The following COL11A1 variants were observed in gnomAD, a reference collection of about 807,000 sequenced individuals.
The protein encoded by COL11A1 is collagen alpha-1(XI) chain.
A neutral mutation model predicts 265.2 loss-of-function variants in COL11A1; 74 were observed. The observed-to-expected ratio is 0.28, with a 90% confidence interval of 0.23 to 0.34. COL11A1 has a LOEUF of 0.34. COL11A1 is among the 10% of genes least tolerant of loss of function. The pLI, the probability that COL11A1 is intolerant of heterozygous loss-of-function variation, is 1.00. For missense variants in COL11A1, 2,165 were observed against 2,263.6 expected (o/e 0.96, Z 0.88); for synonymous variants, 816 against 727.6 (o/e 1.12, Z -1.96).
chr1:102,893,127 A>C (rs1441299968), intron 57 of COL11A1, among the ~76,000 whole-genome samples: 1 of 152,174 alleles, frequency 6.6e-6, no homozygotes, highest in Non-Finnish European at 1.5e-5. Context: ...TATTATCATT[A>C]GTTTTAGATA....
intron 9 of COL11A1, among the ~76,000 whole-genome samples, chr1:103,019,861 A>G (rs1285640170): frequency 1.3e-5 from 2 of 150,784 alleles, no homozygotes; most frequent in African/African-American, 2.4e-5. Context: ...TTCTTGTGAT[A>G]GTTTACCGAG....
intron 54 of COL11A1, among the ~76,000 whole-genome samples, chr1:102,909,304 A>G (rs2100998712): frequency 6.6e-6 from 1 of 152,210 alleles, no homozygotes; most frequent in South Asian, 2.1e-4. Context: ...TTCTCCTTCC[A>G]GCATGAGTGG....
intron 1 of COL11A1, among the ~76,000 whole-genome samples, chr1:103,086,788 T>A (rs10874679): frequency 0.51 from 76,888 of 151,604 alleles, 22,119 homozygotes; most frequent in East Asian, 0.92. Context: ...TAGAGACATA[T>A]AATAAAGGTA....
intron 62 of COL11A1, among the ~76,000 whole-genome samples, chr1:102,888,159 T>G (rs1192729153): frequency 6.6e-6 from 1 of 152,210 alleles, no homozygotes; most frequent in East Asian, 1.9e-4. Context: ...TAGAACATTT[T>G]AGTATTAATA....
chr1:102,963,999 G>C (rs986030283), intron 38 of COL11A1, among the ~76,000 whole-genome samples: 2 of 151,958 alleles, frequency 1.3e-5, no homozygotes, highest in Admixed American at 6.6e-5. Flanking sequence ...ATAGGCTGTT[G>C]GTTTTTTTTC....
intron 28 of COL11A1, among the ~76,000 whole-genome samples, chr1:102,990,302 T>A (rs1327045432): frequency 6.6e-6 from 1 of 150,976 alleles, no homozygotes; most frequent in East Asian, 2.0e-4. Flanking sequence ...TTCCCTTAAT[T>A]TACTAATTTA....
At chr1:103,038,321 T>A (rs1302917742) in intron 4 of COL11A1, among the ~76,000 whole-genome samples, 1 of 151,976 alleles carries the variant, frequency 6.6e-6, no homozygotes, top group African/African-American at 2.4e-5. Context: ...GAAAGTTAGC[T>A]GGGCATGGTG....
chr1:102,898,731 C>T lies in COL11A1; in HGVS notation c.4183G>A (p.Val1395Ile), dbSNP rs148748247. Residue 1395 changes from valine to isoleucine, a missense_variant, in exon 56 of 67, where the codon GTC becomes ATC. Physicochemically the swap from Val to Ile is conservative, Grantham distance 29. Coordinates refer to ENST00000370096, the MANE Select transcript of COL11A1 (RefSeq NM_001854.4). ...AEGPPGKTGP[V>I]GPQGPAGKPG... ...TTTCCTGCAGGTCCCTGAGGACCGA[C>T]TGGGCCGGTTTTTCCAGGAGGACCT... is the stretch of plus-strand genomic sequence containing the variant. 15 of 1,613,132 alleles carry T rather than the reference C, an allele frequency of 9.3e-6. No individual in the cohort carries two copies. The highest frequency in any genetic ancestry group is 1.2e-5 in the Non-Finnish European group (14 of 1,179,456).
intron 46 of COL11A1, among the ~76,000 whole-genome samples, chr1:102,933,634 G>A (rs923655643): frequency 1.2e-4 from 19 of 152,180 alleles, no homozygotes; most frequent in African/African-American, 3.9e-4. Flanking sequence ...CGAGCTTCCT[G>A]GCTGCTTTGT....
chr1:102,917,558 C>T (rs116051363), intron 49 of COL11A1, among the ~76,000 whole-genome samples: 4,926 of 151,890 alleles, frequency 0.032, 109 homozygotes, highest in Middle Eastern at 0.085. Flanking sequence ...TTATGTACCA[C>T]ATTAATTCAT....
At chr1:102,891,859 G>T (rs914157531) in intron 57 of COL11A1, among the ~76,000 whole-genome samples, 1 of 151,472 alleles carries the variant, frequency 6.6e-6, no homozygotes, top group African/African-American at 2.4e-5. Context: ...CTCCTGCATG[G>T]GTGACAGAGG....
chr1:103,030,620 C>T (rs1024176112), intron 5 of COL11A1, among the ~76,000 whole-genome samples: 1 of 151,418 alleles, frequency 6.6e-6, no homozygotes, highest in Non-Finnish European at 1.5e-5. Flanking sequence ...TTCCATTTCA[C>T]ATGCTTTTAA....
At chr1:102,949,102 C>CT (rs1454672050) in intron 41 of COL11A1, among the ~76,000 whole-genome samples, 1 of 152,066 alleles carries the variant, frequency 6.6e-6, no homozygotes, top group East Asian at 1.9e-4. Flanking sequence ...AAAAGTGCTC[C>CT]TTTTTTGGTA....
At chr1:103,021,804 C>A in intron 8 of COL11A1, 35 bp from the exon 9 acceptor site, 1 of 1,378,016 alleles carries the variant, frequency 7.3e-7, no homozygotes, top group Non-Finnish European at 1.0e-6. Flanking sequence ...GCCTAAATGT[C>A]TGTAAGACCA....
At chr1:102,901,213 G>A (rs1003494839) in intron 54 of COL11A1, among the ~76,000 whole-genome samples, 2 of 151,944 alleles carry the variant, frequency 1.3e-5, no homozygotes, top group South Asian at 2.1e-4. Flanking sequence ...CCAGCTACTC[G>A]GGAGGCTGAG....
At chr1:103,032,142 G>A (rs556838352) in intron 4 of COL11A1, among the ~76,000 whole-genome samples, 3 of 151,938 alleles carry the variant, frequency 2.0e-5, no homozygotes, top group Middle Eastern at 3.2e-3. Context: ...GTAATATCTG[G>A]GCTGATAGCC....
chr1:102,908,751 G>A (rs987223511), intron 54 of COL11A1, among the ~76,000 whole-genome samples: 2 of 151,834 alleles, frequency 1.3e-5, no homozygotes, highest in African/African-American at 2.4e-5. Context: ...AAAAAATCAA[G>A]TATAACTTTG....
chr1:103,038,786 T>A (rs956155170), intron 4 of COL11A1, among the ~76,000 whole-genome samples: 7 of 152,074 alleles, frequency 4.6e-5, no homozygotes, highest in African/African-American at 1.7e-4. Flanking sequence ...TTGATTTCAA[T>A]AAAAGTGTTG....
chr1:102,927,419 A>C (rs1656721611), intron 46 of COL11A1, among the ~76,000 whole-genome samples: 1 of 152,176 alleles, frequency 6.6e-6, no homozygotes, highest in Admixed American at 6.5e-5. Context: ...GAAGGTAAAA[A>C]AACAAGCCAG....
Sources: allele counts gnomAD v4.1 joint callset (sites outside exome capture counted in the v4.1 genomes callset), GRCh38; gene constraint gnomAD v4.1.1; transcripts MANE v1.5; gene names NCBI Gene and HGNC (gene_info 2026-07-23, HGNC 2026-07-21).